TAB3: variants seen among roughly 807,000 people sequenced by gnomAD.
TAB3 encodes TGF-beta activated kinase 1 (MAP3K7) binding protein 3, also known as TGF-beta-activated kinase 1 and MAP3K7-binding protein 3.
Under a neutral mutation model 48.1 loss-of-function variants are expected in TAB3, and 18 were observed. That is an observed-to-expected ratio of 0.37 (90% CI 0.26 to 0.55). The LOEUF (loss-of-function observed/expected upper bound fraction) is 0.55, where lower values mean the gene tolerates loss of function less well. Among genes scored for constraint, TAB3 ranks in the 20% least tolerant of loss-of-function variants. The pLI is 0.78. For missense variants in TAB3, 414 were observed against 549.8 expected (o/e 0.75, Z 2.47); for synonymous variants, 185 against 190.2 (o/e 0.97, Z 0.22).
intron 1 of TAB3, among the ~76,000 whole-genome samples, chrX:30,886,031 A>G (rs1940121015): frequency 8.9e-6 from 1 of 111,985 alleles, no homozygotes; most frequent in African/African-American, 3.3e-5. Context: ...CAGGGAGGGA[A>G]GTAGGATGTT....
Position 30,854,291 on chromosome X carries a change from G to A in TAB3, c.1374C>T (p.Thr458=), listed in dbSNP as rs368568488. 12 of 1,209,499 alleles carry A rather than the reference G, an allele frequency of 9.9e-6. No homozygotes were observed. Among genetic ancestry groups the A allele is most frequent in the Admixed American group, 2.2e-5 (1 of 45,716 alleles). Residue 458 remains threonine, a synonymous_variant, in exon 6 of 11, where the codon ACC becomes ACT. Coordinates refer to ENST00000288422, the MANE Select transcript of TAB3 (RefSeq NM_152787.5). ...IPNPTTVFKI[T]VGRATTENLL... is the part of the protein sequence containing the mutation. Reference sequence around the variant, plus strand: ...GATTTTCAGTCGTTGCTCGGCCTACGGTAATTTTAAAAACTGTAGTTGGGT... The same window carrying A: ...GATTTTCAGTCGTTGCTCGGCCTACAGTAATTTTAAAAACTGTAGTTGGGT...
intron 6 of TAB3, 138 bp downstream of exon 6, chrX:30,853,978 A>G: frequency 1.3e-6 from 1 of 782,065 alleles, no homozygotes; most frequent in African/African-American, 2.1e-5. Flanking sequence ...CCCGGCCACT[A>G]ACTTTATTCT....
chrX:30,853,735 C>T (rs138198057), intron 6 of TAB3, among the ~76,000 whole-genome samples: 1,135 of 112,608 alleles, frequency 0.01, 11 homozygotes, highest in African/African-American at 0.034. Context: ...AGTGCAGTGG[C>T]GTGATCTCAG....
chrX:30,833,663 C>T, intron 10 of TAB3, among the ~76,000 whole-genome samples: 2 of 109,188 alleles, frequency 1.8e-5, no homozygotes, highest in Admixed American at 2.0e-4. Context: ...AACCCCGTCT[C>T]TACTAAAAAC....
At chrX:30,848,609 C>G (rs1297376611) in intron 7 of TAB3, among the ~76,000 whole-genome samples, 4 of 111,282 alleles carry the variant, frequency 3.6e-5, no homozygotes, top group Non-Finnish European at 5.7e-5. Context: ...CAGTAAGATT[C>G]CTATGTCCTT....
At chrX:30,884,580 G>A (rs1378613594) in intron 1 of TAB3, among the ~76,000 whole-genome samples, 6 of 104,795 alleles carry the variant, frequency 5.7e-5, no homozygotes, top group Non-Finnish European at 7.8e-5. Context: ...TTTTTCAAAC[G>A]AAAGAGTGGT....
chrX:30,848,278 C>CTT (rs1486061282), intron 7 of TAB3, among the ~76,000 whole-genome samples: 1 of 112,161 alleles, frequency 8.9e-6, no homozygotes, highest in African/African-American at 3.2e-5. Flanking sequence ...AATCCCGGCA[C>CTT]TTTGGGGGGC....
intron 7 of TAB3, among the ~76,000 whole-genome samples, chrX:30,851,962 C>T (rs776394183): frequency 1.8e-5 from 2 of 112,148 alleles, no homozygotes; most frequent in Non-Finnish European, 3.8e-5. Flanking sequence ...ACATATACAG[C>T]ACTTACCACA....
intron 2 of TAB3, among the ~76,000 whole-genome samples, chrX:30,868,089 G>T (rs1388211216): frequency 9.7e-6 from 1 of 103,013 alleles, no homozygotes; most frequent in Admixed American, 1.1e-4. Context: ...TAGAGACGGG[G>T]TTTCACCATA....
At chrX:30,843,122 A>C (rs1938508466) in intron 8 of TAB3, 73 bp from the exon 9 acceptor site, 1 of 589,711 alleles carries the variant, frequency 1.7e-6, no homozygotes. Context: ...TTTAAAGAAA[A>C]TATGTAAATA....
chrX:30,872,743 G>A (rs1457672813), intron 1 of TAB3, among the ~76,000 whole-genome samples: 1 of 111,904 alleles, frequency 8.9e-6, no homozygotes, highest in Non-Finnish European at 1.9e-5. Flanking sequence ...GATGCTAACA[G>A]CATTAAGTAA....
At chrX:30,886,557 T>C (rs1048361373) in intron 1 of TAB3, among the ~76,000 whole-genome samples, 1 of 111,943 alleles carries the variant, frequency 8.9e-6, no homozygotes, top group African/African-American at 3.3e-5. Flanking sequence ...ACAAGACTCC[T>C]TTTTCTGTTT....
chrX:30,868,636 CAG>C lies in TAB3; in HGVS notation c.-279-1089_-279-1088del, dbSNP rs763314510. Reference sequence around the variant, plus strand: ...AGAGAGAGCGCGTGGGGGGGAGAGACAGAGAGAGAGAGAATTGTAACCTTATT... The same window carrying C: ...AGAGAGAGCGCGTGGGGGGGAGAGACAGAGAGAGAGAATTGTAACCTTATT... On this transcript the variant is annotated intron_variant, in intron 2 of 10. Transcript: ENST00000288422. Among the ~76,000 whole-genome samples, 165 of 40,688 alleles carry C rather than the reference CAG, an allele frequency of 4.1e-3. 13 individuals carry two copies. Among genetic ancestry groups the C allele is most frequent in the African/African-American group, 0.014 (153 of 11,077 alleles). 35.3% of individuals were successfully genotyped at this position (40,688 alleles called of 115,157 possible). A position where few individuals can be genotyped will look rare whatever the true frequency, so the allele number is the denominator to read the frequency against.
intron 1 of TAB3, among the ~76,000 whole-genome samples, chrX:30,878,386 G>GTT (rs962029496): frequency 2.7e-5 from 3 of 109,223 alleles, no homozygotes; most frequent in African/African-American, 1.0e-4. Flanking sequence ...TGTAGCCCCA[G>GTT]TTACATGGGA....
In TAB3 at chrX:30,855,195, G is replaced by A; in HGVS notation, c.470C>T (p.Pro157Leu). 8.3e-7 allele frequency: 1 copy of A among 1,212,032 alleles called. No individual in the cohort carries two copies. Among genetic ancestry groups the A allele is most frequent in the Middle Eastern group, 2.3e-4 (1 of 4,353 alleles). ...TGTTTGCATGGAAGATGGCTGTTGA[G>A]GTGGTTGTGAAGGAGGAGTAGCTGC... ...RSAATPPSQP[P>L]QQPSSMQTGM... is the part of the protein sequence containing the mutation. Residue 157 changes from proline to leucine, a missense_variant, in exon 6 of 11, where the codon CCT becomes CTT. Coordinates refer to ENST00000288422, the MANE Select transcript of TAB3 (RefSeq NM_152787.5).
At chrX:30,846,500 C>A in intron 8 of TAB3, 51 bp downstream of exon 8, 1 of 948,830 alleles carries the variant, frequency 1.1e-6, no homozygotes, top group Admixed American at 2.6e-5. Flanking sequence ...ATTTAAGCAG[C>A]TTAAAATACC....
rs770212579 is a variant in TAB3 at position 30,832,228 on chromosome X, T to C, written c.1991-653A>G. 2.1e-3 allele frequency among the ~76,000 whole-genome samples: 235 copies of C among 112,278 alleles called. 2 individuals are homozygous for C. The highest frequency in any genetic ancestry group is 9.2e-3 in the Middle Eastern group (2 of 217). On this transcript the variant is annotated intron_variant, in intron 10 of 10. Coordinates refer to ENST00000288422, the MANE Select transcript of TAB3 (RefSeq NM_152787.5). ...TTTTTGGCATTAAAAATCCTTCATA[T>C]ATCAGTTTTTAAAAATGCCCATACC...
At chrX:30,886,199 T>A (rs957022174) in intron 1 of TAB3, among the ~76,000 whole-genome samples, 1 of 112,354 alleles carries the variant, frequency 8.9e-6, no homozygotes, top group Admixed American at 9.4e-5. Flanking sequence ...GTTTACCATA[T>A]AGAAGGTATG....
chrX:30,843,252 G>A, intron 8 of TAB3: 1 of 344,369 alleles, frequency 2.9e-6, no homozygotes, highest in Non-Finnish European at 5.0e-6. Flanking sequence ...CCACTACACA[G>A]ATGTATGTCT....
Sources: allele counts gnomAD v4.1 joint callset (sites outside exome capture counted in the v4.1 genomes callset), GRCh38; gene constraint gnomAD v4.1.1; transcripts MANE v1.5; gene names NCBI Gene and HGNC (gene_info 2026-07-23, HGNC 2026-07-21).